PPFIBP1: variants seen among roughly 807,000 people sequenced by gnomAD.
PPFIBP1 encodes liprin-beta-1.
A neutral mutation model predicts 137.8 loss-of-function variants in PPFIBP1; 112 were observed. The ratio of observed to expected loss-of-function variants is 0.81; its 90% CI spans 0.70 to 0.95. The LOEUF (loss-of-function observed/expected upper bound fraction) is 0.95, where lower values mean the gene tolerates loss of function less well. Ranked by LOEUF, PPFIBP1 falls within the 40% of genes least tolerant of loss-of-function variation. The pLI, the probability that PPFIBP1 is intolerant of heterozygous loss-of-function variation, is 0.00. For missense variants in PPFIBP1, 1,083 were observed against 1,196.6 expected, an observed-to-expected ratio of 0.91 and a Z score of 1.40; for synonymous variants, 378 against 417.3, an observed-to-expected ratio of 0.91 and a Z score of 1.15.
intron 1 of PPFIBP1, among the ~76,000 whole-genome samples, chr12:27,535,105 G>A (rs1324411184): frequency 6.6e-6 from 1 of 152,090 alleles, no homozygotes; most frequent in African/African-American, 2.4e-5. Context: ...TTTTCAGCTG[G>A]GCCAACTATA....
In PPFIBP1 at chr12:27,572,299, G is replaced by T. The variant is rs536725470; in HGVS notation, c.-123-5853G>T. 6.1e-4 allele frequency among the ~76,000 whole-genome samples: 93 copies of T among 152,144 alleles called. No homozygotes were observed. The South Asian group carries it at 0.017, about 29-fold the overall frequency. On this transcript the variant is annotated intron_variant, in intron 1 of 29. Coordinates refer to ENST00000228425, the MANE Select transcript of PPFIBP1 (RefSeq NM_003622.4). The stretch of plus-strand genomic sequence containing the variant: ...TGAACCATGTTCTTTCCTTCACTAG[G>T]CTGCCAGTACAGTCTCACACAGCAT...
At chr12:27,525,687 AG>A (rs1160478949) in intron 1 of PPFIBP1, among the ~76,000 whole-genome samples, 10 of 152,106 alleles carry the variant, frequency 6.6e-5, no homozygotes, top group African/African-American at 2.4e-4. Flanking sequence ...TGAAGGGAAA[AG>A]GCATTTCCAG....
At chr12:27,620,293 C>G (rs7297535) in intron 2 of PPFIBP1, among the ~76,000 whole-genome samples, 6,203 of 152,200 alleles carry the variant, frequency 0.041, 388 homozygotes, top group African/African-American at 0.13. Flanking sequence ...TTCCACTACC[C>G]CACCACTCCC....
At chr12:27,677,387 A>G (rs1565997331) in intron 19 of PPFIBP1, 1 of 484,052 alleles carries the variant, frequency 2.1e-6, no homozygotes, top group Non-Finnish European at 3.7e-6. Context: ...ATGTCCTGGC[A>G]TTGTACATTG....
chr12:27,674,205 T>C lies in PPFIBP1; in HGVS notation c.1394T>C (p.Ile465Thr), dbSNP rs777464587. 6.3e-7 allele frequency: 1 copy of C among 1,594,572 alleles called. No individual in the cohort carries two copies. Among genetic ancestry groups the C allele is most frequent in the Admixed American group, 1.7e-5 (1 of 57,156 alleles). Residue 465 changes from isoleucine to threonine, a missense_variant, in exon 17 of 30, where the codon ATT (isoleucine) becomes ACT (threonine). Physicochemically the swap from Ile to Thr is moderately conservative, Grantham distance 89. Coordinates refer to ENST00000228425, the MANE Select transcript of PPFIBP1 (RefSeq NM_003622.4). ...KETSDGEKET[I>T]QKTSEDRAPA... ...TGCTTTGAACAGGAAAAGGAAACTA[T>C]TCAGAAGACTTCAGAGGTAACTTTT...
chr12:27,679,443 A>G (rs1302237854), intron 19 of PPFIBP1, 46 bp from the exon 20 acceptor site: 1 of 1,550,922 alleles, frequency 6.4e-7, no homozygotes, highest in Admixed American at 1.9e-5. Context: ...CATCATGTTT[A>G]TTCCATATTT....
chr12:27,624,075 G>C (rs1455507632), intron 2 of PPFIBP1, among the ~76,000 whole-genome samples: 1 of 152,114 alleles, frequency 6.6e-6, no homozygotes, highest in Admixed American at 6.5e-5. Flanking sequence ...CCAGGACAAA[G>C]AAGAGGGTCC....
At chr12:27,566,893 G>T (rs2049724639) in intron 1 of PPFIBP1, among the ~76,000 whole-genome samples, 1 of 152,150 alleles carries the variant, frequency 6.6e-6, no homozygotes, top group African/African-American at 2.4e-5. Context: ...GATCAGTCTG[G>T]AACATCTGTT....
intron 1 of PPFIBP1, among the ~76,000 whole-genome samples, chr12:27,557,470 C>T (rs936456623): frequency 3.9e-5 from 6 of 152,092 alleles, no homozygotes; most frequent in South Asian, 2.1e-4. Flanking sequence ...CTCCTGACCT[C>T]GTGATCCACC....
chr12:27,666,208 C>T (rs978913402), intron 12 of PPFIBP1, among the ~76,000 whole-genome samples: 16 of 152,130 alleles, frequency 1.1e-4, no homozygotes, highest in African/African-American at 2.2e-4. Context: ...TGCATACAAA[C>T]GTGTAAATAC....
intron 1 of PPFIBP1, among the ~76,000 whole-genome samples, chr12:27,562,592 G>C (rs2049257352): frequency 6.6e-6 from 1 of 152,078 alleles, no homozygotes. Flanking sequence ...AATCCTGTTA[G>C]CAACTTTAAA....
chr12:27,570,425 T>C (rs1297505242), intron 1 of PPFIBP1, among the ~76,000 whole-genome samples: 1 of 152,228 alleles, frequency 6.6e-6, no homozygotes, highest in Non-Finnish European at 1.5e-5. Context: ...GTCAGGCTGA[T>C]TGATTTCAAA....
intron 2 of PPFIBP1, among the ~76,000 whole-genome samples, chr12:27,613,125 C>G (rs1482039412): frequency 3.3e-5 from 5 of 152,172 alleles, no homozygotes; most frequent in South Asian, 2.1e-4. Flanking sequence ...GTGCCAAAGA[C>G]CAAAACCCCT....
At chr12:27,539,308 G>A (rs540818486) in intron 1 of PPFIBP1, among the ~76,000 whole-genome samples, 8 of 152,316 alleles carry the variant, frequency 5.3e-5, no homozygotes, top group East Asian at 3.9e-4. Flanking sequence ...AGACTCACTG[G>A]AGATTGTTTA....
At chr12:27,612,066 C>G (rs1242140724) in intron 2 of PPFIBP1, among the ~76,000 whole-genome samples, 1 of 152,204 alleles carries the variant, frequency 6.6e-6, no homozygotes, top group Non-Finnish European at 1.5e-5. Flanking sequence ...TTTAGTTGTG[C>G]AGTTTTGACA....
intron 1 of PPFIBP1, among the ~76,000 whole-genome samples, chr12:27,558,562 A>G (rs2048895247): frequency 1.0e-5 from 1 of 98,376 alleles, no homozygotes; most frequent in African/African-American, 4.3e-5. Context: ...GTTTAGGTAT[A>G]TATACTCTTC....
At chr12:27,635,521 G>A (rs1424676011) in intron 4 of PPFIBP1, 1 of 243,580 alleles carries the variant, frequency 4.1e-6, no homozygotes, top group Admixed American at 4.9e-5. Flanking sequence ...CTTTCAAAAA[G>A]CAACAGGATT....
chr12:27,679,405 T>G, intron 19 of PPFIBP1, 84 bp from the exon 20 acceptor site: 1 of 1,344,538 alleles, frequency 7.4e-7, no homozygotes, highest in Non-Finnish European at 1.0e-6. Flanking sequence ...AGAAGAATTC[T>G]TAACAGTTCT....
intron 1 of PPFIBP1, among the ~76,000 whole-genome samples, chr12:27,525,584 G>C (rs1000833135): frequency 6.6e-6 from 1 of 150,468 alleles, no homozygotes; most frequent in Admixed American, 6.6e-5. Flanking sequence ...CTTCACCGAA[G>C]TTCCTCCTCA....
Sources: allele counts gnomAD v4.1 joint callset (sites outside exome capture counted in the v4.1 genomes callset), GRCh38; gene constraint gnomAD v4.1.1; transcripts MANE v1.5; gene names NCBI Gene and HGNC (gene_info 2026-07-23, HGNC 2026-07-21).